PRKG1: variants seen among roughly 807,000 people sequenced by gnomAD.
PRKG1 encodes cGMP-dependent protein kinase 1.
In PRKG1, 35 loss-of-function variants were observed where a neutral mutation model predicts 88.1. The observed-to-expected ratio is 0.40, with a 90% CI of 0.30 to 0.53. The LOEUF is 0.53. PRKG1 is among the 20% of genes least tolerant of loss of function. The pLI, the probability that PRKG1 is intolerant of heterozygous loss-of-function variation, is 0.59. For synonymous variants in PRKG1, 303 were observed against 292.5 expected (o/e 1.04, Z -0.37); for missense variants, 540 against 839.8 (o/e 0.64, Z 4.41).
chr10:51,193,518 A>G (rs181512129), intron 2 of PRKG1, among the ~76,000 whole-genome samples: 15 of 152,166 alleles, frequency 9.9e-5, no homozygotes, highest in Admixed American at 8.5e-4. Flanking sequence ...AAAACTATAG[A>G]TCATCTGCGC....
intron 8 of PRKG1, among the ~76,000 whole-genome samples, chr10:52,157,815 C>G (rs1445161174): frequency 2.0e-5 from 3 of 151,476 alleles, no homozygotes; most frequent in Non-Finnish European, 4.4e-5. Context: ...CTTCCTCTTT[C>G]CTTTCTTTTC....
At chr10:52,034,305 G>T (rs1316000891) in intron 5 of PRKG1, among the ~76,000 whole-genome samples, 1 of 136,506 alleles carries the variant, frequency 7.3e-6, no homozygotes, top group African/African-American at 2.8e-5. Context: ...GAGAGAATGG[G>T]CGATGTTTCT....
intron 3 of PRKG1, among the ~76,000 whole-genome samples, chr10:51,753,249 T>A (rs1837772394): frequency 6.6e-6 from 1 of 152,164 alleles, no homozygotes; most frequent in Non-Finnish European, 1.5e-5. Flanking sequence ...ATGATTAAAA[T>A]CTACATATCA....
chr10:51,490,682 G>C (rs1840683509), intron 3 of PRKG1, among the ~76,000 whole-genome samples: 1 of 152,084 alleles, frequency 6.6e-6, no homozygotes, highest in African/African-American at 2.4e-5. Flanking sequence ...GTTTTTCATA[G>C]ATCGTTCTGA....
intron 2 of PRKG1, among the ~76,000 whole-genome samples, chr10:51,408,524 C>T (rs1837987458): frequency 6.6e-6 from 1 of 152,178 alleles, no homozygotes; most frequent in Non-Finnish European, 1.5e-5. Flanking sequence ...GAGGCCAAAC[C>T]TCTGCCCTTT....
chr10:51,572,994 T>C (rs929294650), intron 3 of PRKG1, among the ~76,000 whole-genome samples: 3 of 151,858 alleles, frequency 2.0e-5, no homozygotes, highest in African/African-American at 7.2e-5. Context: ...TAGATGAAAG[T>C]AGTATTCTTA....
intron 4 of PRKG1, among the ~76,000 whole-genome samples, chr10:51,876,745 G>A (rs1289236902): frequency 2.0e-5 from 3 of 152,128 alleles, no homozygotes; most frequent in Non-Finnish European, 4.4e-5. Context: ...TGGCAAGCTG[G>A]AAGTGCCAAG....
chr10:51,877,538 G>A (rs750445196), intron 4 of PRKG1, among the ~76,000 whole-genome samples: 2 of 152,250 alleles, frequency 1.3e-5, no homozygotes, highest in Non-Finnish European at 2.9e-5. Context: ...GTTTTCAAAA[G>A]CTCATGCTTC....
At chr10:51,234,524 C>G (rs1465621213) in intron 2 of PRKG1, among the ~76,000 whole-genome samples, 2 of 152,032 alleles carry the variant, frequency 1.3e-5, no homozygotes, top group African/African-American at 4.8e-5. Flanking sequence ...GGAATTGAAC[C>G]TTTAGGTTTT....
chr10:51,594,137 T>G (rs1838381735), intron 3 of PRKG1, among the ~76,000 whole-genome samples: 1 of 152,154 alleles, frequency 6.6e-6, no homozygotes, highest in Non-Finnish European at 1.5e-5. Flanking sequence ...TCATCTTCCC[T>G]GTCAGCCTCC....
chr10:51,511,131 A>G (rs182908667), intron 3 of PRKG1, among the ~76,000 whole-genome samples: 5 of 152,282 alleles, frequency 3.3e-5, no homozygotes, highest in Admixed American at 3.3e-4. Flanking sequence ...ACTATTTAGT[A>G]TACAATAATG....
chr10:51,948,786 G>A (rs73337259), intron 5 of PRKG1, among the ~76,000 whole-genome samples: 9,612 of 151,976 alleles, frequency 0.063, 950 homozygotes, highest in African/African-American at 0.21. Flanking sequence ...CACATAGTCT[G>A]GAAATAGATT....
intron 3 of PRKG1, among the ~76,000 whole-genome samples, chr10:51,510,814 G>T (rs1423770860): frequency 6.6e-6 from 1 of 150,390 alleles, no homozygotes; most frequent in Non-Finnish European, 1.5e-5. Context: ...TGCAATCTCG[G>T]CTCACTGCAA....
chr10:51,945,954 G>C (rs1383367705), intron 5 of PRKG1, among the ~76,000 whole-genome samples: 2 of 149,394 alleles, frequency 1.3e-5, no homozygotes, highest in Non-Finnish European at 3.0e-5. Flanking sequence ...TCTTCTCGAG[G>C]AGTATCTTTG....
At chr10:51,816,571 G>GTGTGTA (rs1484332009) in intron 4 of PRKG1, among the ~76,000 whole-genome samples, 1 of 151,116 alleles carries the variant, frequency 6.6e-6, no homozygotes, top group Non-Finnish European at 1.5e-5. Flanking sequence ...GTGTGTGTGT[G>GTGTGTA]TAATCATCCA....
chr10:51,892,939 A>T (rs945332799), intron 4 of PRKG1, among the ~76,000 whole-genome samples: 1 of 152,194 alleles, frequency 6.6e-6, no homozygotes, highest in Non-Finnish European at 1.5e-5. Flanking sequence ...TTCCTTTTTC[A>T]TTCTTAACAA....
chr10:51,435,203 C>A (rs1838886146), intron 2 of PRKG1, among the ~76,000 whole-genome samples: 1 of 152,008 alleles, frequency 6.6e-6, no homozygotes, highest in Non-Finnish European at 1.5e-5. Context: ...TCTGGCATGA[C>A]AAATTGATAA....
chr10:51,999,951 C>T (rs2454545), intron 5 of PRKG1, among the ~76,000 whole-genome samples: 20 of 152,020 alleles, frequency 1.3e-4, no homozygotes, highest in Middle Eastern at 3.4e-3. Context: ...GAAAAATTTT[C>T]GAATTTATAT....
At position 51,074,803 on chromosome 10, in the gene PRKG1, G is replaced by A. The variant is rs768878863; in HGVS notation, c.213G>A (p.Glu71=). 6.2e-7 allele frequency: 1 copy of A among 1,613,406 alleles called. No individual in the cohort carries two copies. Among genetic ancestry groups the A allele is most frequent in the Non-Finnish European group, 8.5e-7 (1 of 1,179,752 alleles). The change falls in exon 1 of 18, where the codon GAG becomes GAA. Residue 71 remains glutamate (E), a synonymous_variant. Transcript: ENST00000373980. ...QKQSASTLQG[E]PRTKRQAISA... Reference sequence around the variant, plus strand: ...AGAGCGCGAGCACCTTGCAGGGCGAGCCGCGCACCAAGCGGCAGGCGATCT... The same window carrying A: ...AGAGCGCGAGCACCTTGCAGGGCGAACCGCGCACCAAGCGGCAGGCGATCT...
Sources: gnomAD v4.1 joint callset for allele counts (sites outside exome capture counted in the v4.1 genomes callset) on GRCh38, gnomAD v4.1.1 for gene constraint, MANE v1.5 for transcripts, NCBI Gene and HGNC (gene_info 2026-07-23, HGNC 2026-07-21) for gene names.